ENTHD1: variants seen among roughly 807,000 people sequenced by gnomAD.
ENTHD1 encodes the protein ENTH domain-containing protein 1.
A neutral mutation model predicts 39.1 loss-of-function variants in ENTHD1; 23 were observed. The observed-to-expected ratio is 0.59, with a 90% CI of 0.42 to 0.83. The LOEUF (loss-of-function observed/expected upper bound fraction) is 0.83, where lower values mean the gene tolerates loss of function less well. Among genes scored for constraint, ENTHD1 ranks in the 40% least tolerant of loss-of-function variants. The pLI is 0.00. For synonymous variants in ENTHD1, 230 were observed against 258.2 expected (o/e 0.89, Z 1.05); for missense variants, 624 against 705.4 (o/e 0.88, Z 1.31).
chr22:39,802,679 A>C (rs546128913), intron 5 of ENTHD1, among the ~76,000 whole-genome samples: 1 of 152,344 alleles, frequency 6.6e-6, no homozygotes, highest in South Asian at 2.1e-4. Flanking sequence ...AAGAAGGGCA[A>C]GAGAAGAGCA....
chr22:39,799,598 T>C (rs917640219), intron 5 of ENTHD1, among the ~76,000 whole-genome samples: 8 of 152,308 alleles, frequency 5.3e-5, no homozygotes, highest in African/African-American at 1.9e-4. Flanking sequence ...ACACACGAGC[T>C]GAAGAGGCTA....
chr22:39,758,634 C>T (rs1219991033), intron 6 of ENTHD1, among the ~76,000 whole-genome samples: 1 of 152,088 alleles, frequency 6.6e-6, no homozygotes, highest in African/African-American at 2.4e-5. Flanking sequence ...CTATGTTGAC[C>T]ACTCTGATCT....
At chr22:39,780,928 G>T (rs373121459) in intron 5 of ENTHD1, among the ~76,000 whole-genome samples, 3 of 152,008 alleles carry the variant, frequency 2.0e-5, no homozygotes, top group African/African-American at 4.8e-5. Context: ...GAACCCAGGA[G>T]GGGGAGCTTG....
intron 6 of ENTHD1, among the ~76,000 whole-genome samples, chr22:39,756,591 C>T (rs2065187698): frequency 6.6e-6 from 1 of 152,078 alleles, no homozygotes; most frequent in Non-Finnish European, 1.5e-5. Context: ...CCTTGGCCTC[C>T]CAAAGTGCTG....
At chr22:39,893,116 T>G (rs1332954498) in intron 1 of ENTHD1, 2 of 152,080 alleles carry the variant, frequency 1.3e-5, no homozygotes, top group Non-Finnish European at 1.5e-5. Flanking sequence ...ATGCCTCATC[T>G]CTCTCCTTTA....
At chr22:39,812,179 G>A (rs923792666) in intron 5 of ENTHD1, among the ~76,000 whole-genome samples, 1 of 152,064 alleles carries the variant, frequency 6.6e-6, no homozygotes, top group Non-Finnish European at 1.5e-5. Flanking sequence ...CAATCAAAAG[G>A]AGTATGTATA....
intron 5 of ENTHD1, among the ~76,000 whole-genome samples, chr22:39,792,604 C>T (rs771994884): frequency 6.6e-6 from 1 of 152,100 alleles, no homozygotes; most frequent in East Asian, 1.9e-4. Flanking sequence ...CAGCTGGGTG[C>T]GGTGGCTCAT....
chr22:39,781,044 C>A (rs1046414886), intron 5 of ENTHD1, among the ~76,000 whole-genome samples: 16 of 151,486 alleles, frequency 1.1e-4, no homozygotes, highest in Admixed American at 8.5e-4. Context: ...CAACAGACTG[C>A]AACACAAATA....
chr22:39,892,337 C>T (rs1283025893), intron 1 of ENTHD1, among the ~76,000 whole-genome samples: 2 of 152,180 alleles, frequency 1.3e-5, no homozygotes, highest in East Asian at 3.9e-4. Flanking sequence ...TATTGGTCCA[C>T]GATCTTTTAT....
At chr22:39,756,097 C>T (rs1435376342) in intron 6 of ENTHD1, among the ~76,000 whole-genome samples, 1 of 152,158 alleles carries the variant, frequency 6.6e-6, no homozygotes, top group Non-Finnish European at 1.5e-5. Context: ...GCTTTGCCAT[C>T]CTCTCCTATC....
intron 1 of ENTHD1, among the ~76,000 whole-genome samples, chr22:39,892,923 C>T (rs2066439260): frequency 6.6e-6 from 1 of 152,222 alleles, no homozygotes; most frequent in Non-Finnish European, 1.5e-5. Context: ...AGAATCTAAT[C>T]TTTTCCAGCC....
intron 5 of ENTHD1, among the ~76,000 whole-genome samples, chr22:39,804,199 G>C (rs977328553): frequency 1.3e-5 from 2 of 151,870 alleles, no homozygotes; most frequent in African/African-American, 2.4e-5. Context: ...CAAAACAAAA[G>C]AAAAGGCTGA....
At chr22:39,855,561 A>T (rs1296210302) in intron 3 of ENTHD1, among the ~76,000 whole-genome samples, 4 of 151,830 alleles carry the variant, frequency 2.6e-5, no homozygotes, top group Non-Finnish European at 5.9e-5. Context: ...CAGTGGGACT[A>T]AGTACTAAAC....
intron 4 of ENTHD1, among the ~76,000 whole-genome samples, chr22:39,832,793 G>A (rs182290680): frequency 1.2e-4 from 18 of 152,312 alleles, no homozygotes; most frequent in Non-Finnish European, 1.6e-4. Flanking sequence ...TGGTAAATGT[G>A]TGTGAGAGTG....
chr22:39,777,275 G>T (rs574729192), intron 5 of ENTHD1, among the ~76,000 whole-genome samples: 1 of 152,280 alleles, frequency 6.6e-6, no homozygotes, highest in East Asian at 1.9e-4. Context: ...AATGAATATT[G>T]AATGTGCAAC....
At chr22:39,787,990 A>C (rs2146595833) in intron 5 of ENTHD1, among the ~76,000 whole-genome samples, 1 of 152,302 alleles carries the variant, frequency 6.6e-6, no homozygotes, top group East Asian at 1.9e-4. Flanking sequence ...TTCCTTTCAA[A>C]ATATTACTGC....
chr22:39,825,048 A>G (rs2065816044), intron 4 of ENTHD1, among the ~76,000 whole-genome samples: 1 of 152,188 alleles, frequency 6.6e-6, no homozygotes, highest in Non-Finnish European at 1.5e-5. Context: ...CTTCCAATCC[A>G]TGTAACATGA....
intron 3 of ENTHD1, among the ~76,000 whole-genome samples, chr22:39,847,041 T>C (rs2065994391): frequency 6.6e-6 from 1 of 152,138 alleles, no homozygotes; most frequent in Admixed American, 6.5e-5. Context: ...ATCCCATTAC[T>C]GGGTATATAC....
At chr22:39,813,698 C>T (rs1458591155) in intron 5 of ENTHD1, among the ~76,000 whole-genome samples, 1 of 152,172 alleles carries the variant, frequency 6.6e-6, no homozygotes, top group African/African-American at 2.4e-5. Context: ...CTGTGTAAGT[C>T]ATTCCACCTA....
Sources: gnomAD v4.1 joint callset for allele counts (sites outside exome capture counted in the v4.1 genomes callset) on GRCh38, gnomAD v4.1.1 for gene constraint, MANE v1.5 for transcripts, NCBI Gene and HGNC (gene_info 2026-07-23, HGNC 2026-07-21) for gene names.